The following DMD variants were observed in gnomAD, a reference collection of about 807,000 sequenced individuals.
The protein encoded by DMD is dystrophin.
In DMD, 63 loss-of-function variants were observed where a neutral mutation model predicts 330.1. That is an observed-to-expected ratio of 0.19 (90% confidence interval 0.16 to 0.24). The LOEUF (loss-of-function observed/expected upper bound fraction) is 0.24, where lower values mean the gene tolerates loss of function less well. DMD is among the 10% of genes least tolerant of loss of function. The pLI, the probability that DMD is intolerant of heterozygous loss-of-function variation, is 1.00. For synonymous variants in DMD, 1,223 were observed against 959.8 expected, an observed-to-expected ratio of 1.27 and a Z score of -5.07; for missense variants, 3,344 against 2,684.1, an observed-to-expected ratio of 1.25 and a Z score of -5.43.
chrX:31,506,657 A>G lies in DMD; in HGVS notation c.8390+624T>C, dbSNP rs1603279535. Among the ~76,000 whole-genome samples the G allele has an allele frequency of 2.7e-5, 3 of 112,216 alleles. No individual in the cohort carries two copies. The Middle Eastern group carries it at 0.014, about 512-fold the overall frequency. ...TGCATCCATTAACTAACTTCTCCAA[A>G]GAAAGCTGGCACATAGAAGGGGGCA... On this transcript the variant is annotated intron_variant, in intron 56 of 78. Transcript: ENST00000357033.
intron 60 of DMD, among the ~76,000 whole-genome samples, chrX:31,364,176 C>T (rs1041462474): frequency 8.9e-6 from 1 of 112,439 alleles, no homozygotes; most frequent in Admixed American, 9.4e-5. Flanking sequence ...CTGCTTCCAC[C>T]CCTATTTCTT....
chrX:31,683,810 T>C (rs958702011), intron 52 of DMD, among the ~76,000 whole-genome samples: 5 of 112,581 alleles, frequency 4.4e-5, no homozygotes, highest in African/African-American at 1.3e-4. Context: ...ATCTCATAGA[T>C]GTCACAAGAC....
intron 44 of DMD, among the ~76,000 whole-genome samples, chrX:32,201,699 CT>C (rs1199013710): frequency 5.4e-5 from 6 of 111,374 alleles, no homozygotes; most frequent in Admixed American, 4.8e-4. Context: ...TATAGTTCTT[CT>C]TTCTTACCAT....
At chrX:31,136,194 T>C (rs189083742) in intron 76 of DMD, among the ~76,000 whole-genome samples, 205 of 111,078 alleles carry the variant, frequency 1.8e-3, no homozygotes, top group Non-Finnish European at 3.4e-3. Flanking sequence ...CAATATTAAG[T>C]ACAGGAAATG....
intron 1 of DMD, among the ~76,000 whole-genome samples, chrX:33,080,117 G>A (rs186046606): frequency 1.8e-5 from 2 of 112,147 alleles, no homozygotes; most frequent in Non-Finnish European, 3.8e-5. Flanking sequence ...TTTTTAGAAC[G>A]CTTTATAATT....
chrX:31,289,271 AATAAAAT>A lies in DMD; in HGVS notation c.9225-28262_9225-28256del, dbSNP rs1239397244. On this transcript the variant is annotated intron_variant, in intron 62 of 78. Transcript: ENST00000357033. The stretch of plus-strand genomic sequence containing the variant: ...CAGAGCAAAAAAAAAAAAAATAAAA[AATAAAAT>A]AAAATCCATCTCAAAAAAAAAAAAA... 7.3e-4 allele frequency among the ~76,000 whole-genome samples: 59 copies of A among 81,136 alleles called. 5 individuals are homozygous for A. The highest frequency in any genetic ancestry group is 1.6e-3 in the African/African-American group (29 of 18,006). 70.5% of individuals were successfully genotyped at this position (81,136 alleles called of 115,157 possible). A position where few individuals can be genotyped will look rare whatever the true frequency, so the allele number is the denominator to read the frequency against.
chrX:31,248,107 C>T (rs1170184674), intron 63 of DMD, among the ~76,000 whole-genome samples: 1 of 112,009 alleles, frequency 8.9e-6, no homozygotes, highest in Non-Finnish European at 1.9e-5. Flanking sequence ...CTCAGGTGAT[C>T]GTTAGCTTTT....
chrX:32,513,837 G>A (rs1261087519), intron 18 of DMD, among the ~76,000 whole-genome samples: 1 of 111,435 alleles, frequency 9.0e-6, no homozygotes, highest in Admixed American at 9.6e-5. Context: ...CAAGGACTCT[G>A]AAGAATATCA....
Position 32,132,060 on chromosome X carries a change from C to T in DMD, c.6438+84856G>A, listed in dbSNP as rs1418267251. 2.7e-5 allele frequency among the ~76,000 whole-genome samples: 3 copies of T among 111,728 alleles called. No homozygotes were observed. In the East Asian group the frequency reaches 8.4e-4, roughly 31 times the overall value. On this transcript the variant is annotated intron_variant, in intron 44 of 78. Coordinates refer to ENST00000357033, the MANE Select transcript of DMD (RefSeq NM_004006.3). ...CATCATTGTTATTTAGGGATGAAGG[C>T]TTTTTAATCTATATGTGTTCAGTAA...
intron 44 of DMD, among the ~76,000 whole-genome samples, chrX:32,196,150 G>C (rs1276220060): frequency 8.9e-6 from 1 of 112,131 alleles, no homozygotes; most frequent in Non-Finnish European, 1.9e-5. Flanking sequence ...TACATTTCAG[G>C]CTCATTTCCA....
At chrX:31,252,841 G>A (rs1270029958) in intron 63 of DMD, among the ~76,000 whole-genome samples, 15 of 111,271 alleles carry the variant, frequency 1.3e-4, no homozygotes, top group African/African-American at 4.2e-4. Context: ...GTGAAACCCC[G>A]TCTCTACTAA....
chrX:32,216,086 C>G (rs1027764922), intron 44 of DMD, among the ~76,000 whole-genome samples: 2 of 110,947 alleles, frequency 1.8e-5, no homozygotes, highest in Non-Finnish European at 3.8e-5. Context: ...TGTTTTTTGC[C>G]CTCATCTGTC....
At chrX:31,679,971 T>C (rs1569221734) in intron 52 of DMD, among the ~76,000 whole-genome samples, 1 of 112,338 alleles carries the variant, frequency 8.9e-6, no homozygotes, top group Non-Finnish European at 1.9e-5. Context: ...AGGCTTTCTG[T>C]TGCCACAGGA....
intron 7 of DMD, among the ~76,000 whole-genome samples, chrX:32,705,701 A>G: frequency 9.0e-6 from 1 of 111,617 alleles, no homozygotes; most frequent in Non-Finnish European, 1.9e-5. Flanking sequence ...TTGTTTCCTG[A>G]CTTTTTAATG....
chrX:32,416,736 C>G (rs1276177765), intron 29 of DMD, among the ~76,000 whole-genome samples: 1 of 111,287 alleles, frequency 9.0e-6, no homozygotes. Context: ...GTGCTAAAAC[C>G]AAATCCTACT....
chrX:32,602,071 G>A (rs1456933684), intron 12 of DMD, among the ~76,000 whole-genome samples: 1 of 112,006 alleles, frequency 8.9e-6, no homozygotes, highest in Non-Finnish European at 1.9e-5. Flanking sequence ...AACAAGTGAA[G>A]TTACAGCAAA....
chrX:32,759,736 T>G (rs1293297135), intron 7 of DMD, among the ~76,000 whole-genome samples: 2 of 110,305 alleles, frequency 1.8e-5, no homozygotes, highest in African/African-American at 6.6e-5. Flanking sequence ...TTAAAACTCC[T>G]TTTTTAAAGT....
At chrX:31,835,889 G>A (rs1427910363) in intron 49 of DMD, among the ~76,000 whole-genome samples, 1 of 111,685 alleles carries the variant, frequency 9.0e-6, no homozygotes, top group Non-Finnish European at 1.9e-5. Context: ...AACATTAACT[G>A]AGAAACCAAG....
intron 44 of DMD, among the ~76,000 whole-genome samples, chrX:32,076,526 C>T (rs184445672): frequency 2.4e-3 from 259 of 108,740 alleles, no homozygotes; most frequent in African/African-American, 7.4e-3. Context: ...ACTACAGGCG[C>T]CTGCCAGCAC....
Sources: allele counts gnomAD v4.1 joint callset (sites outside exome capture counted in the v4.1 genomes callset), GRCh38; gene constraint gnomAD v4.1.1; transcripts MANE v1.5; gene names NCBI Gene and HGNC (gene_info 2026-07-23, HGNC 2026-07-21).